SNN: variants seen among roughly 807,000 people sequenced by gnomAD.
The protein encoded by SNN is stannin.
A neutral mutation model predicts 5.3 loss-of-function variants in SNN; 5 were observed. That is an observed-to-expected ratio of 0.94 (90% confidence interval 0.49 to 1.97). The LOEUF (loss-of-function observed/expected upper bound fraction) is 1.97. SNN is among the 30% of genes most tolerant of loss of function. SNN has a pLI of 0.01. For missense variants in SNN, 127 were observed against 121.6 expected (o/e 1.04, Z -0.21); for synonymous variants, 67 against 52.1 (o/e 1.29, Z -1.24).
At chr16:11,670,225 G>C (rs1597387755) in intron 1 of SNN, among the ~76,000 whole-genome samples, 2 of 152,184 alleles carry the variant, frequency 1.3e-5, no homozygotes, top group South Asian at 4.2e-4. Context: ...TTTATGGGGG[G>C]AGGCAGTACT....
chr16:11,676,419 G>T lies in SNN; in HGVS notation c.*93G>T, dbSNP rs2050304976. 1 of 1,419,706 alleles carries T rather than the reference G, an allele frequency of 7.0e-7. No individual in the cohort carries two copies. Among genetic ancestry groups the T allele is most frequent in the Non-Finnish European group, 9.5e-7 (1 of 1,050,334 alleles). 87.9% of individuals were successfully genotyped at this position (1,419,706 alleles called of 1,614,324 possible). A position where few individuals can be genotyped will look rare whatever the true frequency, so the allele number is the denominator to read the frequency against. On this transcript the variant is annotated 3_prime_UTR_variant, in exon 2 of 2. Coordinates refer to ENST00000329565, the MANE Select transcript of SNN (RefSeq NM_003498.6). The stretch of plus-strand genomic sequence containing the variant: ...CGGATGCGCTGCTGTCTGAGAGGAA[G>T]GGCTGACACTTGCTGGCATGGCCTC...
intron 1 of SNN, among the ~76,000 whole-genome samples, chr16:11,673,517 TG>T (rs1280748682): frequency 3.3e-5 from 5 of 152,128 alleles, no homozygotes; most frequent in Non-Finnish European, 5.9e-5. Context: ...ATCTGCGTGG[TG>T]GGGGCTGCCC....
intron 1 of SNN, among the ~76,000 whole-genome samples, chr16:11,669,820 C>T (rs968591662): frequency 2.0e-5 from 3 of 152,100 alleles, no homozygotes; most frequent in East Asian, 1.9e-4. Context: ...CAGAGCTCTG[C>T]GGGCTCCCGC....
chr16:11,670,966 G>A (rs1257774715), intron 1 of SNN, among the ~76,000 whole-genome samples: 1 of 152,220 alleles, frequency 6.6e-6, no homozygotes, highest in Non-Finnish European at 1.5e-5. Context: ...TCCCAGTTAC[G>A]GATCTCTGTG....
Position 11,676,007 on chromosome 16 carries a change from C to G in SNN, c.-53C>G, listed in dbSNP as rs974422063. 1.3e-6 allele frequency: 2 copies of G among 1,529,372 alleles called. No homozygotes were observed. Among genetic ancestry groups the G allele is most frequent in the Non-Finnish European group, 1.8e-6 (2 of 1,137,826 alleles). The allele number at this position is 1,529,372 out of a possible 1,614,324, so 94.7% of individuals were successfully genotyped here. Reference sequence around the variant, plus strand: ...GTGTCCAGCCTGAGTTCCAGCCTCACTGAGTGGCCACCCCCAAAGTGCTGC... The same window carrying G: ...GTGTCCAGCCTGAGTTCCAGCCTCAGTGAGTGGCCACCCCCAAAGTGCTGC... On this transcript the variant is annotated 5_prime_UTR_variant, in exon 2 of 2. Transcript: ENST00000329565.
Position 11,676,101 on chromosome 16 carries a change from AGTCATC to A in SNN, c.49_54del (p.Val17_Ile18del), listed in dbSNP as rs1391046779. ...ACAGCCCCACCACGGGCGTGGTCACAGTCATCGTCATCCTCATTGCCATCGCGGCCC... is the reference window on the plus strand; with the variant it reads ...ACAGCCCCACCACGGGCGTGGTCACAGTCATCCTCATTGCCATCGCGGCCC... On this transcript the variant is annotated inframe_deletion, in exon 2 of 2. Coordinates refer to ENST00000329565, the MANE Select transcript of SNN (RefSeq NM_003498.6). 6.2e-7 allele frequency: 1 copy of A among 1,613,412 alleles called. No individual in the cohort carries two copies. The highest frequency in any genetic ancestry group is 1.3e-5 in the African/African-American group (1 of 74,916).
At position 11,676,023 on chromosome 16, in the gene SNN, A is replaced by T. The variant is rs763730423; in HGVS notation, c.-37A>T. 6.5e-7 allele frequency: 1 copy of T among 1,543,714 alleles called. No individual in the cohort carries two copies. Among genetic ancestry groups the T allele is most frequent in the Non-Finnish European group, 8.8e-7 (1 of 1,142,390 alleles). ...CCAGCCTCACTGAGTGGCCACCCCCAAAGTGCTGCCAGCCGAGGAAGCCCC... is the reference window on the plus strand; with the variant it reads ...CCAGCCTCACTGAGTGGCCACCCCCTAAGTGCTGCCAGCCGAGGAAGCCCC... On this transcript the variant is annotated 5_prime_UTR_variant, in exon 2 of 2. Coordinates refer to ENST00000329565, the MANE Select transcript of SNN (RefSeq NM_003498.6).
Position 11,676,466 on chromosome 16 carries a change from C to T in SNN, c.*140C>T. ...CCTCTGCGGGCTTCGTCATCGCATGCACTGATGCCCGGGGACCTGGCTGTC... is the reference window on the plus strand; with the variant it reads ...CCTCTGCGGGCTTCGTCATCGCATGTACTGATGCCCGGGGACCTGGCTGTC... On this transcript the variant is annotated 3_prime_UTR_variant, in exon 2 of 2. Transcript: ENST00000329565. 1.9e-6 allele frequency: 2 copies of T among 1,065,092 alleles called. No homozygotes were observed. The highest frequency in any genetic ancestry group is 2.6e-5 in the East Asian group (1 of 38,236). The allele number at this position is 1,065,092 out of a possible 1,614,324, so 66.0% of individuals were successfully genotyped here.
intron 1 of SNN, among the ~76,000 whole-genome samples, chr16:11,670,860 C>A (rs1000531134): frequency 6.6e-6 from 1 of 152,202 alleles, no homozygotes; most frequent in Non-Finnish European, 1.5e-5. Context: ...CAGGAGGATA[C>A]CCGTCCCCTC....
At chr16:11,670,506 C>T (rs551040705) in intron 1 of SNN, among the ~76,000 whole-genome samples, 25 of 152,326 alleles carry the variant, frequency 1.6e-4, no homozygotes, top group Admixed American at 5.2e-4. Flanking sequence ...TCCCTTTGTC[C>T]CTGCTGTAGC....
At position 11,672,697 on chromosome 16, in the gene SNN, C is replaced by T. The variant is rs951887635; in HGVS notation, c.-85-3278C>T. Among the ~76,000 whole-genome samples, 4 of 152,148 alleles carry T rather than the reference C, an allele frequency of 2.6e-5. No individual in the cohort carries two copies. Among genetic ancestry groups the T allele is most frequent in the Non-Finnish European group, 5.9e-5 (4 of 68,008 alleles). ...GCTCAGTCACTGGGCTCTGTGCTCG[C>T]GGCGGGGCAGAACCCCACATCTGGC... On this transcript the variant is annotated intron_variant, in intron 1 of 1. Transcript: ENST00000329565. The surrounding 1 kb of genome is among the most constrained non-coding windows in gnomAD (Gnocchi z 6.0).
At chr16:11,674,456 AG>A (rs1181566241) in intron 1 of SNN, among the ~76,000 whole-genome samples, 4 of 152,164 alleles carry the variant, frequency 2.6e-5, no homozygotes, top group African/African-American at 9.7e-5. Context: ...TGTCACCTAG[AG>A]GGTTGACAGG....
chr16:11,678,406 G>A lies in SNN; in HGVS notation c.*2080G>A, dbSNP rs191908862. 6.0e-6 allele frequency: 1 copy of A among 167,232 alleles called. No homozygotes were observed. The highest frequency in any genetic ancestry group is 1.9e-4 in the East Asian group (1 of 5,188). The allele number at this position is 167,232 out of a possible 1,614,324, so 10.4% of individuals were successfully genotyped here. On this transcript the variant is annotated 3_prime_UTR_variant, in exon 2 of 2. Transcript: ENST00000329565. ...GTTTTTCCTTCCTCCACACCTGAGGGACGCAGCAACAGCTAGGATCTGCAT... is the reference window on the plus strand; with the variant it reads ...GTTTTTCCTTCCTCCACACCTGAGGAACGCAGCAACAGCTAGGATCTGCAT...
In SNN at chr16:11,677,600, G is replaced by GCTC. The variant is rs2050315526; in HGVS notation, c.*1274_*1275insCTC. The GCTC allele has an allele frequency of 6.3e-6, 1 of 157,858 alleles. No individual in the cohort carries two copies. Among genetic ancestry groups the GCTC allele is most frequent in the African/African-American group, 3.1e-5 (1 of 32,734 alleles). The allele number at this position is 157,858 out of a possible 1,614,324, so 9.8% of individuals were successfully genotyped here. On this transcript the variant is annotated 3_prime_UTR_variant, in exon 2 of 2. Transcript: ENST00000329565. The surrounding 1 kb of genome is among the most constrained non-coding windows in gnomAD (Gnocchi z 4.2). ...TCAGGACTTGACTCTCCCACAGGTG[G>GCTC]TGAGCTGGTGGCTCTCTGGTGAGCT...
chr16:11,674,711 G>C (rs895899569), intron 1 of SNN, among the ~76,000 whole-genome samples: 2 of 152,200 alleles, frequency 1.3e-5, no homozygotes, highest in African/African-American at 2.4e-5. Flanking sequence ...GCACTTGCCA[G>C]GGGGACCCTC....
In SNN at chr16:11,676,647, A is replaced by T. The variant is rs2050306542; in HGVS notation, c.*321A>T. On this transcript the variant is annotated 3_prime_UTR_variant, in exon 2 of 2. Coordinates refer to ENST00000329565, the MANE Select transcript of SNN (RefSeq NM_003498.6). ...CTACTACTGTAATGCGTGAACTAAC[A>T]AACCTGTGAACTGTAAATAGGCCCC... 1 of 341,900 alleles carries T rather than the reference A, an allele frequency of 2.9e-6. No homozygotes were observed. The highest frequency in any genetic ancestry group is 4.3e-5 in the Admixed American group (1 of 23,356). The allele number at this position is 341,900 out of a possible 1,614,324, so 21.2% of individuals were successfully genotyped here.
chr16:11,676,557 T>G lies in SNN; in HGVS notation c.*231T>G, dbSNP rs1042031864. 2.8e-5 allele frequency: 16 copies of G among 569,400 alleles called. No individual in the cohort carries two copies. The highest frequency in any genetic ancestry group is 5.1e-5 in the Non-Finnish European group (16 of 310,834). The allele number at this position is 569,400 out of a possible 1,614,324, so 35.3% of individuals were successfully genotyped here. Reference sequence around the variant, plus strand: ...AGGCACTGGGCAGGCCTGACCTTGCTGGGGCTCATGGCCCTGTAGCGCTTT... The same window carrying G: ...AGGCACTGGGCAGGCCTGACCTTGCGGGGGCTCATGGCCCTGTAGCGCTTT... On this transcript the variant is annotated 3_prime_UTR_variant, in exon 2 of 2. Transcript: ENST00000329565.
At position 11,668,756 on chromosome 16, in the gene SNN, G is replaced by T. The variant is rs2050245230; in HGVS notation, c.-86+216G>T. 6.6e-6 allele frequency among the ~76,000 whole-genome samples: 1 copy of T among 150,778 alleles called. No individual in the cohort carries two copies. The highest frequency in any genetic ancestry group is 2.1e-4 in the South Asian group (1 of 4,814). On this transcript the variant is annotated intron_variant, in intron 1 of 1. Transcript: ENST00000329565. This position sits in a 1 kb window ranked among gnomAD's most constrained non-coding sequence, Gnocchi z 6.8. ...GCTGGGGTTCTTTGTCAGCGGCGCTGCGGCGAGATCCGGACAAAGGAGGCG... is the reference window on the plus strand; with the variant it reads ...GCTGGGGTTCTTTGTCAGCGGCGCTTCGGCGAGATCCGGACAAAGGAGGCG...
At chr16:11,674,860 C>T (rs1195051571) in intron 1 of SNN, among the ~76,000 whole-genome samples, 1 of 152,170 alleles carries the variant, frequency 6.6e-6, no homozygotes, top group Non-Finnish European at 1.5e-5. Flanking sequence ...CAATGGCACC[C>T]TGTATTGTGA....
Sources: allele counts gnomAD v4.1 joint callset (sites outside exome capture counted in the v4.1 genomes callset), GRCh38; gene constraint gnomAD v4.1.1; non-coding constraint Gnocchi (gnomAD v3.1); transcripts MANE v1.5; gene names NCBI Gene and HGNC (gene_info 2026-07-23, HGNC 2026-07-21).